The following LIMCH1 variants were observed in gnomAD, a reference collection of about 807,000 sequenced individuals.
The protein encoded by LIMCH1 is LIM and calponin homology domains-containing protein 1.
LIMCH1 carries 113 observed loss-of-function variants against 176.5 expected under a neutral mutation model. That is an observed-to-expected ratio of 0.64 (90% confidence interval 0.55 to 0.75). LIMCH1 has a LOEUF of 0.75. LIMCH1 is among the 30% of genes least tolerant of loss of function. The probability of loss-of-function intolerance (pLI) is 0.00; values close to 1 mark genes in which losing one functional copy is unlikely to be tolerated. For missense variants in LIMCH1, 1,674 were observed against 1,814.9 expected (o/e 0.92, Z 1.41); for synonymous variants, 619 against 645.9 (o/e 0.96, Z 0.63).
At chr4:41,549,670 G>A (rs147494380) in intron 1 of LIMCH1, among the ~76,000 whole-genome samples, 209 of 152,254 alleles carry the variant, frequency 1.4e-3, no homozygotes, top group African/African-American at 4.8e-3. Context: ...TAACCACCGT[G>A]TTCCAAGAGC....
In LIMCH1 at chr4:41,644,510, A is replaced by G. The variant is rs778372980; in HGVS notation, c.2137A>G (p.Met713Val). Residue 713 changes from methionine (M) to valine (V), a missense_variant, in exon 15 of 32, where the codon ATG (methionine) becomes GTG (valine). Physicochemically the swap from Met to Val is conservative, Grantham distance 21. Around this residue, in one of 3 missense-constraint regions of LIMCH1, gnomAD observed 1,015 missense variants for 1,102.5 expected, o/e 0.92. Transcript: ENST00000503057. ...TCTCTCCACACTCAGGAGCACCAGC[A>G]TGTTTGACATGCGGTGTGAGGAGGA... ...PVSDDAESTSMFDMRCEEEAA... is the reference protein window; with the variant it reads ...PVSDDAESTSVFDMRCEEEAA... 2.0e-5 allele frequency: 32 copies of G among 1,572,060 alleles called. No individual in the cohort carries two copies. The Middle Eastern group carries it at 5.0e-4, about 25-fold the overall frequency.
chr4:41,370,098 T>C (rs530017224), intron 1 of LIMCH1, among the ~76,000 whole-genome samples: 2 of 152,170 alleles, frequency 1.3e-5, no homozygotes, highest in Admixed American at 6.5e-5. Context: ...CAAGTTAGAC[T>C]GGGTCAGGGC....
At chr4:41,361,722 C>T (rs2052096485) in intron 1 of LIMCH1, among the ~76,000 whole-genome samples, 1 of 152,190 alleles carries the variant, frequency 6.6e-6, no homozygotes, top group Non-Finnish European at 1.5e-5. Flanking sequence ...ACTGGGTGAT[C>T]CTGATTCACG....
intron 1 of LIMCH1, among the ~76,000 whole-genome samples, chr4:41,591,098 T>G (rs2087464761): frequency 6.6e-6 from 1 of 152,210 alleles, no homozygotes; most frequent in African/African-American, 2.4e-5. Context: ...AAAGTAACAT[T>G]ATTGTTGGTT....
chr4:41,451,978 C>T lies in LIMCH1; in HGVS notation c.97-42558C>T, dbSNP rs534986774. Among the ~76,000 whole-genome samples the T allele has an allele frequency of 9.2e-5, 14 of 152,350 alleles. No individual in the cohort carries two copies. The East Asian group carries it at 1.2e-3, about 13-fold the overall frequency. Reference sequence around the variant, plus strand: ...GGCTTCATTCACCACTTTGCCTCCTCATAAGCCCTAGGCACGCTTTCTGGA... The same window carrying T: ...GGCTTCATTCACCACTTTGCCTCCTTATAAGCCCTAGGCACGCTTTCTGGA... On this transcript the variant is annotated intron_variant, in intron 1 of 26. Transcript: ENST00000313860.
At chr4:41,366,541 A>G (rs867079757) in intron 1 of LIMCH1, among the ~76,000 whole-genome samples, 3 of 152,204 alleles carry the variant, frequency 2.0e-5, no homozygotes, top group Non-Finnish European at 2.9e-5. Flanking sequence ...AGGGTAGATA[A>G]AAGGATGACT....
At chr4:41,544,375 T>C (rs997769478) in intron 1 of LIMCH1, among the ~76,000 whole-genome samples, 1 of 152,192 alleles carries the variant, frequency 6.6e-6, no homozygotes, top group Non-Finnish European at 1.5e-5. Flanking sequence ...TTGAAGGCTT[T>C]TGTGTTCTTA....
chr4:41,505,669 A>G (rs1320394839), intron 2 of LIMCH1, among the ~76,000 whole-genome samples: 1 of 151,692 alleles, frequency 6.6e-6, no homozygotes, highest in East Asian at 1.9e-4. Flanking sequence ...CCCATACACA[A>G]CTCCACTTTA....
At chr4:41,558,984 A>C (rs189871193) in intron 1 of LIMCH1, among the ~76,000 whole-genome samples, 207 of 152,242 alleles carry the variant, frequency 1.4e-3, no homozygotes, top group Middle Eastern at 6.8e-3. Context: ...TTTGAGAAAC[A>C]CCTACAGATT....
intron 1 of LIMCH1, among the ~76,000 whole-genome samples, chr4:41,386,731 A>G (rs2056546043): frequency 6.6e-6 from 1 of 152,208 alleles, no homozygotes; most frequent in Non-Finnish European, 1.5e-5. Flanking sequence ...TGACACATGG[A>G]ACATTCTGGT....
chr4:41,644,602 G>T lies in LIMCH1; in HGVS notation c.2229G>T (p.Arg743Ser). 6.2e-7 allele frequency: 1 copy of T among 1,612,354 alleles called. No homozygotes were observed. The highest frequency in any genetic ancestry group is 8.5e-7 in the Non-Finnish European group (1 of 1,179,276). The stretch of plus-strand genomic sequence containing the variant: ...TGCAGCTGATAAATAACCAGCTGAG[G>T]GAAGAGGACGACAAATGGCAAGATG... ...EQLQLINNQL[R>S]EEDDKWQDDL... The change falls in exon 15 of 32, where the codon AGG becomes AGT. Residue 743 changes from arginine (R) to serine (S), a missense_variant. Around this residue, in one of 3 missense-constraint regions of LIMCH1, gnomAD observed 1,015 missense variants for 1,102.5 expected, o/e 0.92. Coordinates refer to ENST00000503057, the MANE Select transcript of LIMCH1 (RefSeq NM_001330672.2).
In LIMCH1 at chr4:41,644,500, GAGCACC is replaced by G. The variant is rs1261792560; in HGVS notation, c.2132_2137del (p.Thr711_Ser712del). 6.4e-7 allele frequency: 1 copy of G among 1,557,936 alleles called. No homozygotes were observed. Among genetic ancestry groups the G allele is most frequent in the Non-Finnish European group, 8.7e-7 (1 of 1,151,746 alleles). ...TTGTGTTCGCTCTCTCCACACTCAGGAGCACCAGCATGTTTGACATGCGGTGTGAGG... is the reference window on the plus strand; with the variant it reads ...TTGTGTTCGCTCTCTCCACACTCAGGAGCATGTTTGACATGCGGTGTGAGG... On this transcript the variant is annotated inframe_deletion and splice_region_variant, in exon 15 of 32. Transcript: ENST00000503057.
chr4:41,502,990 G>T (rs1201826692), intron 2 of LIMCH1, among the ~76,000 whole-genome samples: 1 of 113,708 alleles, frequency 8.8e-6, no homozygotes, highest in South Asian at 2.8e-4. Flanking sequence ...TTATCTGACT[G>T]GTCTGTCTGT....
chr4:41,384,810 A>G (rs190728977), intron 1 of LIMCH1, among the ~76,000 whole-genome samples: 1 of 152,320 alleles, frequency 6.6e-6, no homozygotes, highest in Admixed American at 6.5e-5. Context: ...TCCACTCCAA[A>G]TACTACCAAG....
chr4:41,681,613 G>A (rs1021716624), intron 25 of LIMCH1, among the ~76,000 whole-genome samples: 2 of 152,110 alleles, frequency 1.3e-5, no homozygotes, highest in African/African-American at 2.4e-5. Flanking sequence ...TGCAGTGAAC[G>A]TGATCTTGCC....
At chr4:41,487,918 C>CT (rs11325771) in intron 1 of LIMCH1, among the ~76,000 whole-genome samples, 5,999 of 142,792 alleles carry the variant, frequency 0.042, 142 homozygotes, top group African/African-American at 0.06. Flanking sequence ...TCCCAAAGTG[C>CT]TTTTTTTTTT....
intron 1 of LIMCH1, among the ~76,000 whole-genome samples, chr4:41,567,708 T>C (rs1041157403): frequency 6.6e-6 from 1 of 152,258 alleles, no homozygotes; most frequent in Non-Finnish European, 1.5e-5. Flanking sequence ...CAGAAAGGCA[T>C]GATTAGAATC....
chr4:41,400,476 T>C (rs530680620), intron 1 of LIMCH1, among the ~76,000 whole-genome samples: 3 of 152,240 alleles, frequency 2.0e-5, no homozygotes, highest in Non-Finnish European at 2.9e-5. Context: ...CATGTTGTGC[T>C]TGGCAATTTG....
At chr4:41,646,378 T>C (rs2094060018) in intron 16 of LIMCH1, 98 bp downstream of exon 16, 1 of 1,501,276 alleles carries the variant, frequency 6.7e-7, no homozygotes. Flanking sequence ...GATAGTAACA[T>C]TTTATATTCC....
Sources: gnomAD v4.1 joint callset for allele counts (sites outside exome capture counted in the v4.1 genomes callset) on GRCh38, gnomAD v4.1.1 for gene constraint, gnomAD v4.1.1 regional missense constraint, MANE v1.5 for transcripts, NCBI Gene and HGNC (gene_info 2026-07-23, HGNC 2026-07-21) for gene names.